Variants in CACNA1E observed in about 807,000 individuals in gnomAD.
The protein encoded by CACNA1E is voltage-dependent R-type calcium channel subunit alpha-1E.
In CACNA1E, 40 loss-of-function variants were observed where a neutral mutation model predicts 259.2. That is an observed-to-expected ratio of 0.15 (90% CI 0.12 to 0.20). The LOEUF is 0.20. Ranked by LOEUF, CACNA1E falls within the 10% of genes least tolerant of loss-of-function variation. The pLI is 1.00. For synonymous variants in CACNA1E, 1,104 were observed against 1,138.5 expected, an observed-to-expected ratio of 0.97 and a Z score of 0.61; for missense variants, 1,874 against 3,040.1, an observed-to-expected ratio of 0.62 and a Z score of 9.02.
chr1:181,449,351 C>T (rs1390639738), intron 2 of CACNA1E, among the ~76,000 whole-genome samples: 1 of 152,212 alleles, frequency 6.6e-6, no homozygotes, highest in African/African-American at 2.4e-5. Context: ...TATATGTGTG[C>T]TCACATACAC....
intron 7 of CACNA1E, among the ~76,000 whole-genome samples, chr1:181,686,858 G>A (rs1345881918): frequency 6.6e-6 from 1 of 152,190 alleles, no homozygotes; most frequent in Non-Finnish European, 1.5e-5. Context: ...TTGTGGGTGA[G>A]GGGCAAAGAG....
At chr1:181,764,308 T>G (rs1658842315) in intron 34 of CACNA1E, among the ~76,000 whole-genome samples, 1 of 152,222 alleles carries the variant, frequency 6.6e-6, no homozygotes, top group Non-Finnish European at 1.5e-5. Flanking sequence ...TTCAAATGCC[T>G]GTTCTTACCA....
At chr1:181,636,870 CG>C (rs1381508603) in intron 6 of CACNA1E, among the ~76,000 whole-genome samples, 3 of 152,202 alleles carry the variant, frequency 2.0e-5, no homozygotes, top group Non-Finnish European at 2.9e-5. Flanking sequence ...CCAAATGCCA[CG>C]GGGCTGGTGC....
intron 25 of CACNA1E, among the ~76,000 whole-genome samples, chr1:181,749,318 A>G (rs552078542): frequency 1.3e-5 from 2 of 152,332 alleles, no homozygotes; most frequent in African/African-American, 4.8e-5. Flanking sequence ...AGGTTCACCT[A>G]TGTTTCTAAA....
At chr1:181,447,055 C>T (rs1660834055) in intron 2 of CACNA1E, among the ~76,000 whole-genome samples, 1 of 152,122 alleles carries the variant, frequency 6.6e-6, no homozygotes, top group Admixed American at 6.5e-5. Flanking sequence ...ACATTCTTCC[C>T]AAATGTACCT....
At chr1:181,783,861 T>C in intron 40 of CACNA1E, 77 bp downstream of exon 40, 1 of 914,238 alleles carries the variant, frequency 1.1e-6, no homozygotes, top group South Asian at 1.3e-5. Context: ...GATGGAGATA[T>C]TTGAACTGTC....
chr1:181,383,633 CA>C (rs1465177625), intron 1 of CACNA1E, among the ~76,000 whole-genome samples: 5 of 152,184 alleles, frequency 3.3e-5, no homozygotes, highest in Admixed American at 1.3e-4. Context: ...GATTTTGTTC[CA>C]GAACTCAGTT....
At chr1:181,743,134 G>C (rs928236134) in intron 25 of CACNA1E, among the ~76,000 whole-genome samples, 1 of 152,134 alleles carries the variant, frequency 6.6e-6, no homozygotes, top group Non-Finnish European at 1.5e-5. Flanking sequence ...CAAAGGTTGG[G>C]TTCAGGGCTT....
At chr1:181,601,771 A>G (rs1653768867) in intron 6 of CACNA1E, among the ~76,000 whole-genome samples, 1 of 152,120 alleles carries the variant, frequency 6.6e-6, no homozygotes, top group Non-Finnish European at 1.5e-5. Context: ...AAATCAGACC[A>G]TGTCCCCGCT....
intron 6 of CACNA1E, among the ~76,000 whole-genome samples, chr1:181,612,301 C>CA (rs1244132268): frequency 1.3e-5 from 2 of 152,230 alleles, no homozygotes; most frequent in Non-Finnish European, 2.9e-5. Context: ...TCACGTGATG[C>CA]ACTCTCCTTG....
At chr1:181,562,125 T>C (rs961153727) in intron 3 of CACNA1E, among the ~76,000 whole-genome samples, 17 of 152,148 alleles carry the variant, frequency 1.1e-4, no homozygotes, top group Non-Finnish European at 2.5e-4. Flanking sequence ...GATTTTTAAA[T>C]TTTTTGCTAT....
At position 181,645,691 on chromosome 1, in the gene CACNA1E, TAA is replaced by T. The variant is rs151074223; in HGVS notation, c.952-5645_952-5644del. The stretch of plus-strand genomic sequence containing the variant: ...CATAGCACTGACCACACTCCAGAGT[TAA>T]AGTTACATTTGTGTGCTCACTTGCT... On this transcript the variant is annotated intron_variant, in intron 6 of 47. Coordinates refer to ENST00000367573, the MANE Select transcript of CACNA1E (RefSeq NM_001205293.3). Among the ~76,000 whole-genome samples, 598 of 152,334 alleles carry T rather than the reference TAA, an allele frequency of 3.9e-3. 4 individuals are homozygous for T. Among genetic ancestry groups the T allele is most frequent in the African/African-American group, 0.013 (545 of 41,586 alleles).
At chr1:181,725,997 G>A (rs530423765) in intron 17 of CACNA1E, 68 bp from the exon 18 acceptor site, 3 of 1,062,146 alleles carry the variant, frequency 2.8e-6, no homozygotes, top group Non-Finnish European at 2.8e-6. Flanking sequence ...CTCCTTAGGA[G>A]AGCAGCCAAG....
At chr1:181,339,707 G>A (rs570348817) in intron 1 of CACNA1E, among the ~76,000 whole-genome samples, 1 of 152,056 alleles carries the variant, frequency 6.6e-6, no homozygotes, top group Admixed American at 6.5e-5. Flanking sequence ...GTATCTCCTG[G>A]TTTCAATATG....
chr1:181,452,523 G>A (rs577190683), intron 2 of CACNA1E, among the ~76,000 whole-genome samples: 3 of 152,294 alleles, frequency 2.0e-5, no homozygotes, highest in South Asian at 4.1e-4. Context: ...GGGATGGGAA[G>A]CATTCAGGGA....
intron 1 of CACNA1E, among the ~76,000 whole-genome samples, chr1:181,407,310 C>A (rs1344012293): frequency 1.3e-5 from 2 of 152,068 alleles, no homozygotes; most frequent in Admixed American, 1.3e-4. Flanking sequence ...TTGCTATGTT[C>A]TTTTCATGAT....
intron 6 of CACNA1E, among the ~76,000 whole-genome samples, chr1:181,626,785 T>C (rs1656243751): frequency 6.6e-6 from 1 of 152,234 alleles, no homozygotes; most frequent in Admixed American, 6.5e-5. Flanking sequence ...CTTATGGGGC[T>C]CTGTAGTCAT....
upstream of CACNA1E, among the ~76,000 whole-genome samples, chr1:181,481,335 TACACACACACACACACAC>T (rs113766656): frequency 2.8e-5 from 4 of 145,398 alleles, no homozygotes; most frequent in East Asian, 8.1e-4. Context: ...AGAATTTTCC[TACACACACACACACACAC>T]ACACACACAC....
At chr1:181,551,045 G>A (rs998269) in intron 3 of CACNA1E, among the ~76,000 whole-genome samples, 1 of 152,172 alleles carries the variant, frequency 6.6e-6, no homozygotes. Flanking sequence ...GAAGAAACGG[G>A]ACATTTAGGT....
Sources: allele counts gnomAD v4.1 joint callset (sites outside exome capture counted in the v4.1 genomes callset), GRCh38; gene constraint gnomAD v4.1.1; transcripts MANE v1.5; gene names NCBI Gene and HGNC (gene_info 2026-07-23, HGNC 2026-07-21).